The following SGCZ variants were observed in gnomAD, a reference collection of about 807,000 sequenced individuals.
The protein encoded by SGCZ is sarcoglycan zeta, also known as zeta-sarcoglycan.
Under a neutral mutation model 41.3 loss-of-function variants are expected in SGCZ, and 40 were observed. The observed-to-expected ratio is 0.97, with a 90% CI of 0.75 to 1.26. The LOEUF is 1.26. Ranked by LOEUF, SGCZ falls within the 50% of genes most tolerant of loss-of-function variation. The pLI is 0.00. For synonymous variants in SGCZ, 206 were observed against 137.5 expected (o/e 1.50, Z -3.49); for missense variants, 552 against 369.8 (o/e 1.49, Z -4.04).
intron 4 of SGCZ, chr8:14,165,043 G>A (rs1217964145): frequency 8.2e-6 from 2 of 245,044 alleles, no homozygotes; most frequent in Non-Finnish European, 1.6e-5. Flanking sequence ...CCTGGCACCT[G>A]CTGGATGCTT....
intron 1 of SGCZ, among the ~76,000 whole-genome samples, chr8:14,926,734 T>G (rs1216397280): frequency 6.6e-6 from 1 of 151,840 alleles, no homozygotes; most frequent in Non-Finnish European, 1.5e-5. Context: ...TCCAACTCTC[T>G]GGTTCAAGCG....
chr8:14,968,179 T>C (rs1186928431), intron 1 of SGCZ, among the ~76,000 whole-genome samples: 2 of 152,204 alleles, frequency 1.3e-5, no homozygotes, highest in Non-Finnish European at 1.5e-5. Context: ...CCCTTCCATA[T>C]GGCTCTTTCA....
intron 1 of SGCZ, among the ~76,000 whole-genome samples, chr8:14,682,110 T>C (rs982996793): frequency 3.9e-5 from 6 of 152,066 alleles, no homozygotes; most frequent in Non-Finnish European, 8.8e-5. Context: ...TAATCTATTA[T>C]GTAGTGATGC....
intron 1 of SGCZ, among the ~76,000 whole-genome samples, chr8:14,879,493 G>C (rs917405097): frequency 1.3e-5 from 2 of 152,028 alleles, no homozygotes; most frequent in African/African-American, 2.4e-5. Context: ...CTCTTGGGAA[G>C]TATCTCCTGA....
At chr8:14,491,117 T>C (rs1157159028) in intron 2 of SGCZ, among the ~76,000 whole-genome samples, 1 of 120,330 alleles carries the variant, frequency 8.3e-6, no homozygotes, top group Admixed American at 9.1e-5. Flanking sequence ...ATCTAATTTG[T>C]TTACTTGGTT....
chr8:14,116,890 C>T (rs1585149229), intron 5 of SGCZ, among the ~76,000 whole-genome samples: 1 of 152,006 alleles, frequency 6.6e-6, no homozygotes, highest in South Asian at 2.1e-4. Flanking sequence ...ACATGCTCAG[C>T]GTTGATTACT....
At chr8:14,983,118 T>C (rs992293480) in intron 1 of SGCZ, among the ~76,000 whole-genome samples, 4 of 152,184 alleles carry the variant, frequency 2.6e-5, no homozygotes, top group African/African-American at 7.2e-5. Context: ...TTTGAGAACA[T>C]TGTAAGTATT....
intron 3 of SGCZ, among the ~76,000 whole-genome samples, chr8:14,281,192 G>C (rs577121250): frequency 1.2e-4 from 18 of 151,926 alleles, no homozygotes; most frequent in African/African-American, 3.9e-4. Context: ...CTACATATGA[G>C]ACTTAGTTTC....
intron 3 of SGCZ, among the ~76,000 whole-genome samples, chr8:14,267,427 G>C (rs777978951): frequency 5.9e-5 from 9 of 152,034 alleles, no homozygotes; most frequent in Non-Finnish European, 1.3e-4. Context: ...GATGTGGTTT[G>C]CTATAAGATT....
intron 3 of SGCZ, among the ~76,000 whole-genome samples, chr8:14,304,235 G>A (rs953931167): frequency 6.6e-6 from 1 of 151,852 alleles, no homozygotes; most frequent in South Asian, 2.1e-4. Context: ...TTGAGCCCAG[G>A]AGTTCGAGAC....
At chr8:14,496,332 G>C (rs1197093046) in intron 2 of SGCZ, among the ~76,000 whole-genome samples, 1 of 152,090 alleles carries the variant, frequency 6.6e-6, no homozygotes, top group Non-Finnish European at 1.5e-5. Context: ...GCCCCACAAA[G>C]CACTGGGATT....
intron 2 of SGCZ, among the ~76,000 whole-genome samples, chr8:14,355,107 T>C (rs1476443875): frequency 1.3e-5 from 2 of 152,020 alleles, no homozygotes; most frequent in Non-Finnish European, 2.9e-5. Flanking sequence ...TATTACTATA[T>C]CTAACTGATG....
chr8:15,088,482 A>G (rs924188359), intron 1 of SGCZ, among the ~76,000 whole-genome samples: 1 of 152,194 alleles, frequency 6.6e-6, no homozygotes, highest in African/African-American at 2.4e-5. Context: ...AACTTGTTCA[A>G]AAAAGCACAA....
chr8:14,803,471 G>T (rs914667042), intron 1 of SGCZ, among the ~76,000 whole-genome samples: 1 of 152,098 alleles, frequency 6.6e-6, no homozygotes, highest in Non-Finnish European at 1.5e-5. Context: ...GGTGACAGAC[G>T]GCACCTGGAA....
chr8:15,011,107 A>G (rs1243119839), intron 1 of SGCZ, among the ~76,000 whole-genome samples: 1 of 152,116 alleles, frequency 6.6e-6, no homozygotes, highest in Non-Finnish European at 1.5e-5. Context: ...TTTGCTTTTA[A>G]TTTTTACATC....
intron 1 of SGCZ, among the ~76,000 whole-genome samples, chr8:15,094,802 CT>C (rs886145386): frequency 1.3e-5 from 2 of 152,144 alleles, no homozygotes; most frequent in African/African-American, 4.8e-5. Context: ...TTATGAGGAG[CT>C]TTCCCCTTCG....
chr8:14,615,304 T>C (rs925968882), intron 1 of SGCZ, among the ~76,000 whole-genome samples: 1 of 152,148 alleles, frequency 6.6e-6, no homozygotes, highest in African/African-American at 2.4e-5. Context: ...TTGCAAGCAA[T>C]GCACTCATCA....
intron 1 of SGCZ, among the ~76,000 whole-genome samples, chr8:15,201,068 G>A (rs750647255): frequency 1.3e-5 from 2 of 152,182 alleles, no homozygotes; most frequent in Non-Finnish European, 2.9e-5. Flanking sequence ...CCAGGCTGGA[G>A]TGCAGTGGCA....
intron 2 of SGCZ, among the ~76,000 whole-genome samples, chr8:14,459,626 A>G (rs79712768): frequency 0.046 from 6,930 of 152,160 alleles, 494 homozygotes; most frequent in African/African-American, 0.16. Context: ...TACAAGGACA[A>G]AAACAGTAAC....
Sources: allele counts gnomAD v4.1 joint callset (sites outside exome capture counted in the v4.1 genomes callset), GRCh38; gene constraint gnomAD v4.1.1; transcripts MANE v1.5; gene names NCBI Gene and HGNC (gene_info 2026-07-23, HGNC 2026-07-21).